The following METAP1 variants were observed in gnomAD, a reference collection of about 807,000 sequenced individuals.
METAP1 encodes the protein methionyl aminopeptidase 1, also known as methionine aminopeptidase 1.
In METAP1, 28 loss-of-function variants were observed where a neutral mutation model predicts 53.8. The observed-to-expected ratio is 0.52, with a 90% CI of 0.39 to 0.71. The LOEUF (loss-of-function observed/expected upper bound fraction) is 0.71. Ranked by LOEUF, METAP1 falls within the 30% of genes least tolerant of loss-of-function variation. The probability of loss-of-function intolerance (pLI) is 0.00; values close to 1 mark genes in which losing one functional copy is unlikely to be tolerated. For missense variants in METAP1, 389 were observed against 479.8 expected (o/e 0.81, Z 1.77); for synonymous variants, 181 against 165.7 (o/e 1.09, Z -0.71).
At chr4:99,028,078 A>G (rs1425612931) in intron 1 of METAP1, among the ~76,000 whole-genome samples, 1 of 152,080 alleles carries the variant, frequency 6.6e-6, no homozygotes, top group Non-Finnish European at 1.5e-5. Context: ...ATTTTTAATA[A>G]TTTATTTGAG....
At chr4:99,028,347 A>G (rs986227682) in intron 1 of METAP1, among the ~76,000 whole-genome samples, 2 of 152,114 alleles carry the variant, frequency 1.3e-5, no homozygotes, top group South Asian at 2.1e-4. Flanking sequence ...ACCCTAGCAC[A>G]TGCCAGGCAC....
intron 1 of METAP1, among the ~76,000 whole-genome samples, chr4:99,008,725 G>A (rs1723309019): frequency 6.6e-6 from 1 of 152,164 alleles, no homozygotes; most frequent in African/African-American, 2.4e-5. Context: ...TGGTAGTGGT[G>A]TGAGGATTAA....
intron 1 of METAP1, among the ~76,000 whole-genome samples, chr4:98,998,694 T>A (rs1722763435): frequency 6.7e-6 from 1 of 150,038 alleles, no homozygotes; most frequent in African/African-American, 2.5e-5. Context: ...GCAAGAGGCC[T>A]TTCTATCACA....
intron 1 of METAP1, among the ~76,000 whole-genome samples, chr4:99,016,080 C>A (rs922857713): frequency 6.6e-6 from 1 of 152,088 alleles, no homozygotes; most frequent in Non-Finnish European, 1.5e-5. Context: ...TTTATGAAGA[C>A]GTGGTCTCCA....
chr4:99,014,531 T>C (rs961748816), intron 1 of METAP1, among the ~76,000 whole-genome samples: 2 of 152,300 alleles, frequency 1.3e-5, no homozygotes, highest in African/African-American at 4.8e-5. Context: ...CAAAATAACG[T>C]TGACTCGAGT....
Position 99,025,534 on chromosome 4 carries a change from A to G in METAP1, c.115-3333A>G, listed in dbSNP as rs190678383. The G allele has an allele frequency of 2.5e-5, 23 of 908,350 alleles. No individual in the cohort carries two copies. In the African/African-American group the frequency reaches 4.0e-4, roughly 16 times the overall value. 56.3% of individuals were successfully genotyped at this position (908,350 alleles called of 1,614,324 possible). On this transcript the variant is annotated intron_variant, in intron 1 of 10. Transcript: ENST00000296411. ...ATAACATGGCTATTTATTTGTAAAG[A>G]AAAGCATTTCACAGGATTTTAATGA...
intron 5 of METAP1, among the ~76,000 whole-genome samples, chr4:99,039,753 CTG>C (rs1725713520): frequency 6.6e-6 from 1 of 152,184 alleles, no homozygotes; most frequent in Non-Finnish European, 1.5e-5. Flanking sequence ...ACCACCACAC[CTG>C]GCTAATTTTT....
rs1727576472 is a variant in METAP1 at position 99,062,080 on chromosome 4, T to C, written c.*763T>C. On this transcript the variant is annotated 3_prime_UTR_variant, in exon 11 of 11. Coordinates refer to ENST00000296411, the MANE Select transcript of METAP1 (RefSeq NM_015143.3). ...GGCTGACTGTTGCAGGGAATGAGAA[T>C]TTCATAATACACTGCTATTTCAGAC... The C allele has an allele frequency of 6.6e-6, 1 of 152,314 alleles. No individual in the cohort carries two copies. The highest frequency in any genetic ancestry group is 2.1e-4 in the South Asian group (1 of 4,824). The allele number at this position is 152,314 out of a possible 1,614,324, so 9.4% of individuals were successfully genotyped here.
chr4:99,049,980 C>G (rs1579326227), intron 9 of METAP1, among the ~76,000 whole-genome samples: 2 of 152,178 alleles, frequency 1.3e-5, no homozygotes, highest in African/African-American at 4.8e-5. Context: ...TTGGCTTGCT[C>G]AAGGTCACAC....
chr4:99,053,997 A>C (rs906107085), intron 9 of METAP1, among the ~76,000 whole-genome samples: 2 of 146,964 alleles, frequency 1.4e-5, no homozygotes, highest in African/African-American at 5.5e-5. Flanking sequence ...GAGCACAGGC[A>C]GAGTAGATTT....
At chr4:99,004,082 A>G (rs946721808) in intron 1 of METAP1, among the ~76,000 whole-genome samples, 3 of 152,194 alleles carry the variant, frequency 2.0e-5, no homozygotes, top group Non-Finnish European at 2.9e-5. Flanking sequence ...CTAGTTTATT[A>G]TAAAGGATAT....
At chr4:99,004,488 C>CACAT (rs1553940011) in intron 1 of METAP1, among the ~76,000 whole-genome samples, 37 of 32,158 alleles carry the variant, frequency 1.2e-3, no homozygotes, top group African/African-American at 2.6e-3. Context: ...CACACATACA[C>CACAT]ACACACACAC....
intron 8 of METAP1, among the ~76,000 whole-genome samples, chr4:99,045,779 T>C (rs1296622463): frequency 6.6e-6 from 1 of 152,368 alleles, no homozygotes. Context: ...TGTGCATTAA[T>C]GCACACACGT....
chr4:99,003,126 T>C (rs1723000337), intron 1 of METAP1, among the ~76,000 whole-genome samples: 1 of 152,210 alleles, frequency 6.6e-6, no homozygotes, highest in South Asian at 2.1e-4. Flanking sequence ...AATTGGGGTC[T>C]GCTATCTGCT....
At chr4:99,016,668 A>G (rs1363180565) in intron 1 of METAP1, among the ~76,000 whole-genome samples, 3 of 152,224 alleles carry the variant, frequency 2.0e-5, no homozygotes, top group South Asian at 2.1e-4. Flanking sequence ...CAGCATTTCA[A>G]TATAATCAAC....
intron 3 of METAP1, 95 bp downstream of exon 3, chr4:99,034,437 G>A (rs1467091079): frequency 8.0e-6 from 6 of 748,040 alleles, no homozygotes; most frequent in Non-Finnish European, 1.4e-5. Flanking sequence ...CATATAATCA[G>A]GATTGTGTTT....
At chr4:99,042,886 T>C (rs918943608) in intron 6 of METAP1, among the ~76,000 whole-genome samples, 2 of 152,190 alleles carry the variant, frequency 1.3e-5, no homozygotes, top group Non-Finnish European at 2.9e-5. Flanking sequence ...TAAGTGTCTG[T>C]AATTTCAAAT....
chr4:99,022,748 G>A (rs1267653472), intron 1 of METAP1: 4 of 1,600,432 alleles, frequency 2.5e-6, no homozygotes, highest in Admixed American at 1.7e-5. Flanking sequence ...GGTACCCATA[G>A]GCGTGTTGTG....
chr4:99,009,831 T>C (rs1252584462), intron 1 of METAP1, among the ~76,000 whole-genome samples: 1 of 152,240 alleles, frequency 6.6e-6, no homozygotes, highest in Non-Finnish European at 1.5e-5. Context: ...TACCTTTTAC[T>C]CTGTTGATTG....
Sources: allele counts gnomAD v4.1 joint callset (sites outside exome capture counted in the v4.1 genomes callset), GRCh38; gene constraint gnomAD v4.1.1; transcripts MANE v1.5; gene names NCBI Gene and HGNC (gene_info 2026-07-23, HGNC 2026-07-21).